Variants in SAMD4A observed in about 807,000 individuals in gnomAD.
The protein encoded by SAMD4A is sterile alpha motif domain containing 4A.
SAMD4A carries 33 observed loss-of-function variants against 81.3 expected under a neutral mutation model. The ratio of observed to expected loss-of-function variants is 0.41; its 90% CI spans 0.31 to 0.54. SAMD4A has a LOEUF of 0.54. SAMD4A is among the 20% of genes least tolerant of loss of function. The pLI is 0.37. For synonymous variants in SAMD4A, 389 were observed against 382.1 expected (o/e 1.02, Z -0.21); for missense variants, 854 against 951.1 (o/e 0.90, Z 1.34).
chr14:54,634,384 G>A (rs951983865), intron 2 of SAMD4A, among the ~76,000 whole-genome samples: 1 of 152,066 alleles, frequency 6.6e-6, no homozygotes, highest in African/African-American at 2.4e-5. Context: ...TGATTGATAA[G>A]GAAAGCTTTA....
intron 2 of SAMD4A, chr14:54,693,599 CTTGAGGCTAAGAGG>C (rs1204127926): frequency 6.6e-6 from 1 of 152,182 alleles, no homozygotes; most frequent in African/African-American, 2.4e-5. Flanking sequence ...GGGAGGAAGG[CTTGAGGCTAAGAGG>C]TTGAGGTTGC....
At chr14:54,601,836 A>G (rs193086170) in intron 2 of SAMD4A, among the ~76,000 whole-genome samples, 1 of 152,354 alleles carries the variant, frequency 6.6e-6, no homozygotes, top group East Asian at 1.9e-4. Context: ...ACACTCTTAC[A>G]TCACTATCCT....
At chr14:54,759,952 T>A (rs1463333470) in intron 6 of SAMD4A, among the ~76,000 whole-genome samples, 3 of 152,190 alleles carry the variant, frequency 2.0e-5, no homozygotes, top group Admixed American at 6.5e-5. Context: ...TGTATTTTCC[T>A]CGCTATACCT....
In SAMD4A at chr14:54,630,908, A is replaced by ATGTGTGTGTG. The variant is rs5808786; in HGVS notation, c.196+62835_196+62844dup. The stretch of plus-strand genomic sequence containing the variant: ...ACATATAATAAATCTTGTATTTTAT[A>ATGTGTGTGTG]TGTGTGTGTGTGTGTGTGTGTGTGT... On this transcript the variant is annotated intron_variant, in intron 2 of 12. Coordinates refer to ENST00000554335, the MANE Select transcript of SAMD4A (RefSeq NM_015589.6). 2.7e-4 allele frequency among the ~76,000 whole-genome samples: 39 copies of ATGTGTGTGTG among 144,288 alleles called. 1 individual carries two copies. The highest frequency in any genetic ancestry group is 7.3e-4 in the African/African-American group (28 of 38,318). The allele number at this position is 144,288 out of a possible 152,430, so 94.7% of individuals were successfully genotyped here.
chr14:54,611,710 C>G (rs937447012), intron 2 of SAMD4A, among the ~76,000 whole-genome samples: 3 of 151,920 alleles, frequency 2.0e-5, no homozygotes, highest in African/African-American at 7.3e-5. Context: ...AACCCCATCT[C>G]TACTAAAAAT....
intron 2 of SAMD4A, among the ~76,000 whole-genome samples, chr14:54,612,211 T>G (rs2034374922): frequency 6.6e-6 from 1 of 152,208 alleles, no homozygotes; most frequent in African/African-American, 2.4e-5. Context: ...AAGAAAAGCC[T>G]TTCCATTTTG....
intron 8 of SAMD4A, among the ~76,000 whole-genome samples, chr14:54,765,625 C>T (rs1263080154): frequency 2.6e-5 from 4 of 151,136 alleles, no homozygotes; most frequent in African/African-American, 4.9e-5. Context: ...AGACTTGTCT[C>T]GGGGAAAAAA....
intron 2 of SAMD4A, among the ~76,000 whole-genome samples, chr14:54,588,887 C>A (rs958461005): frequency 2.0e-5 from 3 of 152,070 alleles, no homozygotes; most frequent in Non-Finnish European, 2.9e-5. Context: ...TTTTTAAGAG[C>A]AAATGATGTT....
chr14:54,655,606 C>T (rs957363101), intron 2 of SAMD4A, among the ~76,000 whole-genome samples: 3 of 151,930 alleles, frequency 2.0e-5, no homozygotes, highest in African/African-American at 7.3e-5. Context: ...GGCATGGTGG[C>T]GCATACCTGT....
At chr14:54,673,251 CAT>C (rs907973470) in intron 2 of SAMD4A, among the ~76,000 whole-genome samples, 1 of 152,176 alleles carries the variant, frequency 6.6e-6, no homozygotes, top group African/African-American at 2.4e-5. Flanking sequence ...GGGAGCAGCA[CAT>C]GTTTGTCCAG....
rs763180682 is a variant in SAMD4A at position 54,764,435 on chromosome 14, T to A, written c.1511-20T>A. ...GAAAGGGGTGCATTTTTCTAATTCA[T>A]CTTTTCTTTTTAATTACAGTGTGCA... On this transcript the variant is annotated intron_variant, in intron 7 of 12. Coordinates refer to ENST00000554335, the MANE Select transcript of SAMD4A (RefSeq NM_015589.6). 1.3e-6 allele frequency: 2 copies of A among 1,540,488 alleles called. No individual in the cohort carries two copies. The highest frequency in any genetic ancestry group is 2.3e-5 in the South Asian group (2 of 85,188).
At chr14:54,712,045 G>A (rs759468676) in intron 3 of SAMD4A, among the ~76,000 whole-genome samples, 6 of 152,132 alleles carry the variant, frequency 3.9e-5, no homozygotes, top group Non-Finnish European at 7.4e-5. Flanking sequence ...ATTCAAGAGA[G>A]GGAGAGACAC....
intron 2 of SAMD4A, among the ~76,000 whole-genome samples, chr14:54,699,830 C>T (rs1248065249): frequency 6.6e-6 from 1 of 152,186 alleles, no homozygotes; most frequent in Non-Finnish European, 1.5e-5. Context: ...CTAAAGCCTT[C>T]CTTGGTGATT....
chr14:54,626,746 A>G (rs1216006072), intron 2 of SAMD4A, among the ~76,000 whole-genome samples: 3 of 152,190 alleles, frequency 2.0e-5, no homozygotes, highest in Non-Finnish European at 2.9e-5. Context: ...TCTCTGTTCA[A>G]CACATCTGGA....
chr14:54,589,246 A>G (rs535943393), intron 2 of SAMD4A, among the ~76,000 whole-genome samples: 91 of 152,296 alleles, frequency 6.0e-4, no homozygotes, highest in South Asian at 1.7e-3. Context: ...ACGCTCATCT[A>G]TCAGGAATGA....
chr14:54,639,384 G>A (rs2035113355), intron 2 of SAMD4A, among the ~76,000 whole-genome samples: 2 of 152,200 alleles, frequency 1.3e-5, no homozygotes, highest in African/African-American at 4.8e-5. Flanking sequence ...TCTTGCATGT[G>A]TCTCACACCC....
intron 2 of SAMD4A, among the ~76,000 whole-genome samples, chr14:54,647,852 AC>A (rs1285288824): frequency 2.6e-5 from 4 of 152,238 alleles, no homozygotes; most frequent in African/African-American, 9.6e-5. Context: ...TAGGTTCTGT[AC>A]TATCCAGTAG....
In SAMD4A at chr14:54,702,161, T is replaced by C. The variant is rs1172314467; in HGVS notation, c.296T>C (p.Val99Ala). ...LLKPGNLDAK[V>A]EYMKLLPKIL... ...AAGCCAGGAAACCTCGACGCGAAAG[T>C]AGAATATATGAAACTGCTGCCCAAA... Residue 99 changes from valine (V) to alanine (A), a missense_variant, in exon 3 of 13, where the codon GTA (valine) becomes GCA (alanine). Physicochemically the swap from Val to Ala is moderately conservative, Grantham distance 64 (BLOSUM62 0). Coordinates refer to ENST00000554335, the MANE Select transcript of SAMD4A (RefSeq NM_015589.6). 1 of 1,614,092 alleles carries C rather than the reference T, an allele frequency of 6.2e-7. No homozygotes were observed. Among genetic ancestry groups the C allele is most frequent in the Admixed American group, 1.7e-5 (1 of 60,016 alleles).
At chr14:54,595,673 A>G (rs1481475549) in intron 2 of SAMD4A, among the ~76,000 whole-genome samples, 2 of 152,118 alleles carry the variant, frequency 1.3e-5, no homozygotes, top group African/African-American at 4.8e-5. Flanking sequence ...AAAGTGTTGA[A>G]TGGGGTTAAC....
Sources: gnomAD v4.1 joint callset for allele counts (sites outside exome capture counted in the v4.1 genomes callset) on GRCh38, gnomAD v4.1.1 for gene constraint, MANE v1.5 for transcripts, NCBI Gene and HGNC (gene_info 2026-07-23, HGNC 2026-07-21) for gene names.